Variants in MYBPHL observed in about 807,000 individuals in gnomAD.
MYBPHL encodes myosin-binding protein H-like.
MYBPHL carries 32 observed loss-of-function variants against 39.5 expected under a neutral mutation model. The ratio of observed to expected loss-of-function variants is 0.81; its 90% CI spans 0.61 to 1.09. The LOEUF (loss-of-function observed/expected upper bound fraction) is 1.09. Ranked by LOEUF, MYBPHL falls within the 50% of genes least tolerant of loss-of-function variation. The pLI is 0.00. For synonymous variants in MYBPHL, 196 were observed against 183.7 expected, an observed-to-expected ratio of 1.07 and a Z score of -0.54; for missense variants, 456 against 460.2, an observed-to-expected ratio of 0.99 and a Z score of 0.08.
intron 8 of MYBPHL, chr1:109,292,897 G>T (rs566501761): frequency 7.4e-4 from 113 of 152,248 alleles, no homozygotes; most frequent in Middle Eastern, 3.4e-3. Flanking sequence ...GCATCACTTT[G>T]TTCACAACAT....
chr1:109,298,877 G>A (rs1311159983), intron 1 of MYBPHL, among the ~76,000 whole-genome samples: 4 of 152,128 alleles, frequency 2.6e-5, no homozygotes, highest in South Asian at 2.1e-4. Context: ...GTTTGCAGAG[G>A]ATCATTTTGT....
chr1:109,300,832 C>G (rs1356352452), intron 1 of MYBPHL, among the ~76,000 whole-genome samples: 1 of 152,162 alleles, frequency 6.6e-6, no homozygotes, highest in Non-Finnish European at 1.5e-5. Context: ...TGCCGGTTCT[C>G]TGCTTATCAG....
rs150334222 is a variant in MYBPHL, at chr1:109,296,874, G to C, written c.639C>G (p.Asn213Lys). The change falls in exon 5 of 9, where the codon AAC becomes AAG. Residue 213 changes from asparagine (N) to lysine (K), a missense_variant. Physicochemically the swap from Asn to Lys is moderately conservative, Grantham distance 94. Coordinates refer to ENST00000357155, the MANE Select transcript of MYBPHL (RefSeq NM_001010985.3). ...CAGCAAAGACACGGAAGGCATAGGA[G>C]TTGCCGATGATGAGGTCAGAGACGA... is the stretch of plus-strand genomic sequence containing the variant. The part of the protein sequence containing the change: ...SCIVSDLIIG[N>K]SYAFRVFAEN... The C allele has an allele frequency of 5.0e-6, 8 of 1,614,192 alleles. No homozygotes were observed. The highest frequency in any genetic ancestry group is 6.8e-6 in the Non-Finnish European group (8 of 1,180,042).
At chr1:109,298,119 A>T (rs1417264440) in intron 2 of MYBPHL, 50 bp downstream of exon 2, 7 of 1,490,846 alleles carry the variant, frequency 4.7e-6, no homozygotes, top group Non-Finnish European at 6.4e-6. Flanking sequence ...CCAAATCCAA[A>T]ACCTGCACTG....
rs759476117 is a variant in MYBPHL, at chr1:109,296,765, T to G, written c.730+18A>C. ...ATCCTTAAGTCTTCCCAGCTCATGATCCCCATGCCTCCCTTACCTGCTTTC... is the reference window on the plus strand; with the variant it reads ...ATCCTTAAGTCTTCCCAGCTCATGAGCCCCATGCCTCCCTTACCTGCTTTC... On this transcript the variant is annotated intron_variant, in intron 5 of 8. Coordinates refer to ENST00000357155, the MANE Select transcript of MYBPHL (RefSeq NM_001010985.3). 1.5e-5 allele frequency: 25 copies of G among 1,613,810 alleles called. No homozygotes were observed. The South Asian group carries it at 2.6e-4, about 17-fold the overall frequency.
intron 1 of MYBPHL, 71 bp downstream of exon 1, chr1:109,306,776 A>C: frequency 1.5e-6 from 2 of 1,372,020 alleles, no homozygotes; most frequent in Non-Finnish European, 1.9e-6. Context: ...GGCGCCGTTC[A>C]GGAAGGTGGC....
intron 1 of MYBPHL, among the ~76,000 whole-genome samples, chr1:109,303,108 G>A (rs1046742224): frequency 1.3e-5 from 2 of 152,168 alleles, no homozygotes; most frequent in African/African-American, 4.8e-5. Flanking sequence ...TTACGCTAGT[G>A]AGAAATAGAT....
In MYBPHL at chr1:109,296,828, C is replaced by G. The variant is rs1438145886; in HGVS notation, c.685G>C (p.Glu229Gln). ...AGGTCCGTAGTGATGGGGGCTGTTT[C>G]ACTGAGTCCGCACTGGTTTTCAGCA... is the stretch of plus-strand genomic sequence containing the variant. ...VFAENQCGLSETAPITTDLAH... is the reference protein window; with the variant it reads ...VFAENQCGLSQTAPITTDLAH... The change falls in exon 5 of 9, where the codon GAA becomes CAA. Residue 229 changes from glutamate (E) to glutamine (Q), a missense_variant. Transcript: ENST00000357155. 1.2e-6 allele frequency: 2 copies of G among 1,614,076 alleles called. No individual in the cohort carries two copies. The highest frequency in any genetic ancestry group is 1.6e-4 in the Middle Eastern group (1 of 6,084).
chr1:109,297,177 G>A lies in MYBPHL; in HGVS notation c.443C>T (p.Pro148Leu). The A allele has an allele frequency of 6.2e-7, 1 of 1,614,184 alleles. No individual in the cohort carries two copies. Among genetic ancestry groups the A allele is most frequent in the Non-Finnish European group, 8.5e-7 (1 of 1,180,034 alleles). ...GTCCACCAGCTTAATACTCTGAGGA[G>A]GGCCTGGCCTCTCTGAAAGGGCAAA... ...IDILVIERPGPPQSIKLVDVW... is the reference protein window; with the variant it reads ...IDILVIERPGLPQSIKLVDVW... Residue 148 changes from proline (P) to leucine (L), a missense_variant, in exon 4 of 9, where the codon CCT becomes CTT. Coordinates refer to ENST00000357155, the MANE Select transcript of MYBPHL (RefSeq NM_001010985.3).
chr1:109,293,482 G>A lies in MYBPHL; in HGVS notation c.*33+724C>T, dbSNP rs970836652. 2.8e-4 allele frequency among the ~76,000 whole-genome samples: 43 copies of A among 152,118 alleles called. 1 individual carries two copies. The highest frequency in any genetic ancestry group is 3.9e-4 in the Admixed American group (6 of 15,268). ...CAACAGGCTGGGCGCAGTGGCTCAC[G>A]CCTGTAATCCCAGCACTTTGGGAGG... is the stretch of plus-strand genomic sequence containing the variant. On this transcript the variant is annotated intron_variant, in intron 8 of 8. Coordinates refer to ENST00000357155, the MANE Select transcript of MYBPHL (RefSeq NM_001010985.3).
chr1:109,299,210 A>G (rs72975273), intron 1 of MYBPHL, among the ~76,000 whole-genome samples: 2,283 of 152,216 alleles, frequency 0.015, 66 homozygotes, highest in African/African-American at 0.053. Flanking sequence ...CCTGGCTGAT[A>G]TTATCTTCAG....
At chr1:109,295,032 C>G in intron 7 of MYBPHL, 79 bp downstream of exon 7, 1 of 1,484,110 alleles carries the variant, frequency 6.7e-7, no homozygotes, top group Admixed American at 1.8e-5. Flanking sequence ...AGGCTTGCGT[C>G]TCTGTTCCCT....
At chr1:109,298,953 A>G (rs527885850) in intron 1 of MYBPHL, among the ~76,000 whole-genome samples, 1 of 152,314 alleles carries the variant, frequency 6.6e-6, no homozygotes, top group African/African-American at 2.4e-5. Context: ...TGTCCCAGTG[A>G]GAAGTAGAGA....
intron 1 of MYBPHL, among the ~76,000 whole-genome samples, chr1:109,300,312 C>T (rs919537713): frequency 6.6e-6 from 1 of 152,232 alleles, no homozygotes; most frequent in Non-Finnish European, 1.5e-5. Flanking sequence ...CTAGCTGTGT[C>T]TTGCCCACCA....
chr1:109,299,309 A>G (rs915325721), intron 1 of MYBPHL, among the ~76,000 whole-genome samples: 3 of 152,204 alleles, frequency 2.0e-5, no homozygotes, highest in Admixed American at 6.5e-5. Context: ...CCCCTGGTAC[A>G]TTCCTGTGGC....
chr1:109,297,323 A>G, intron 3 of MYBPHL, 99 bp downstream of exon 3: 1 of 1,557,474 alleles, frequency 6.4e-7, no homozygotes, highest in Middle Eastern at 1.8e-4. Flanking sequence ...ATGACGTGGG[A>G]GCCTTGCCGC....
Position 109,298,639 on chromosome 1 carries a change from G to A in MYBPHL, c.146-382C>T, listed in dbSNP as rs146818977. ...TGTCTTTCCACCCTTTTCTACATTT[G>A]TCCTTAATACCATTCCTTTTATCAA... On this transcript the variant is annotated intron_variant, in intron 1 of 8. Coordinates refer to ENST00000357155, the MANE Select transcript of MYBPHL (RefSeq NM_001010985.3). Among the ~76,000 whole-genome samples the A allele has an allele frequency of 1.9e-3, 288 of 152,042 alleles. 1 individual carries two copies. Among genetic ancestry groups the A allele is most frequent in the Non-Finnish European group, 3.1e-3 (211 of 67,968 alleles).
At chr1:109,301,324 G>C (rs1658270257) in intron 1 of MYBPHL, among the ~76,000 whole-genome samples, 1 of 152,092 alleles carries the variant, frequency 6.6e-6, no homozygotes, top group South Asian at 2.1e-4. Flanking sequence ...CCCTTCATGG[G>C]GTCTTAGAGA....
At chr1:109,305,586 C>T (rs1658440178) in intron 1 of MYBPHL, among the ~76,000 whole-genome samples, 1 of 152,214 alleles carries the variant, frequency 6.6e-6, no homozygotes, top group Non-Finnish European at 1.5e-5. Context: ...CTCTCATTCT[C>T]CTGCTGCCTG....
Sources: allele counts gnomAD v4.1 joint callset (sites outside exome capture counted in the v4.1 genomes callset), GRCh38; gene constraint gnomAD v4.1.1; transcripts MANE v1.5; gene names NCBI Gene and HGNC (gene_info 2026-07-23, HGNC 2026-07-21).